THRB: variants seen among roughly 807,000 people sequenced by gnomAD.
The protein encoded by THRB is thyroid hormone receptor beta, also known as nuclear receptor subfamily 1 group A member 2.
Under a neutral mutation model 47.8 loss-of-function variants are expected in THRB, and 12 were observed. The observed-to-expected ratio is 0.25, with a 90% confidence interval of 0.16 to 0.41. The LOEUF is 0.41. Among genes scored for constraint, THRB ranks in the 10% least tolerant of loss-of-function variants. The pLI, the probability that THRB is intolerant of heterozygous loss-of-function variation, is 1.00. For synonymous variants in THRB, 218 were observed against 212.2 expected (o/e 1.03, Z -0.24); for missense variants, 348 against 589.2 (o/e 0.59, Z 4.24).
At chr3:24,226,906 G>C (rs1427455855) in intron 4 of THRB, among the ~76,000 whole-genome samples, 3 of 152,192 alleles carry the variant, frequency 2.0e-5, no homozygotes, top group African/African-American at 7.2e-5. Context: ...CACTGTATGG[G>C]CTGCAAAGCC....
chr3:24,151,222 T>C (rs749389108), intron 6 of THRB, among the ~76,000 whole-genome samples: 13 of 152,218 alleles, frequency 8.5e-5, no homozygotes, highest in Non-Finnish European at 1.8e-4. Flanking sequence ...AGCAGCCTTC[T>C]CCTAAATGTT....
At chr3:24,275,488 G>A (rs1489984294) in intron 3 of THRB, among the ~76,000 whole-genome samples, 1 of 152,126 alleles carries the variant, frequency 6.6e-6, no homozygotes, top group Non-Finnish European at 1.5e-5. Context: ...TGAAAACTTT[G>A]ACAGTTTTCT....
chr3:24,331,392 G>T (rs940064365), intron 2 of THRB, among the ~76,000 whole-genome samples: 1 of 152,110 alleles, frequency 6.6e-6, no homozygotes, highest in South Asian at 2.1e-4. Flanking sequence ...ACTTTCTCCA[G>T]CTTGGCTTCT....
intron 5 of THRB, among the ~76,000 whole-genome samples, chr3:24,186,944 C>CAAAAAAAAAAAAAAAAAAAACAAAA (rs2042660206): frequency 1.3e-5 from 1 of 77,534 alleles, no homozygotes; most frequent in African/African-American, 4.7e-5. Context: ...GACTCCATTT[C>CAAAAAAAAAAAAAAAAAAAACAAAA]AAAAAAAAAA....
chr3:24,323,755 T>C (rs1576838056), intron 2 of THRB, among the ~76,000 whole-genome samples: 2 of 152,342 alleles, frequency 1.3e-5, no homozygotes, highest in South Asian at 4.1e-4. Flanking sequence ...TTTATCTAAA[T>C]AGGAGGATTT....
chr3:24,476,766 T>A (rs1695510388), intron 1 of THRB, among the ~76,000 whole-genome samples: 1 of 152,190 alleles, frequency 6.6e-6, no homozygotes, highest in Non-Finnish European at 1.5e-5. Flanking sequence ...TGAGAAATTA[T>A]CTGATAGAGT....
intron 1 of THRB, among the ~76,000 whole-genome samples, chr3:24,468,414 A>T (rs1220159372): frequency 6.6e-6 from 1 of 152,184 alleles, no homozygotes; most frequent in East Asian, 1.9e-4. Flanking sequence ...CTAGCTTTTG[A>T]CCTATTTCAG....
intron 1 of THRB, among the ~76,000 whole-genome samples, chr3:24,366,989 T>A (rs1647284693): frequency 6.6e-6 from 1 of 152,146 alleles, no homozygotes; most frequent in Non-Finnish European, 1.5e-5. Flanking sequence ...TTTTTTTCTG[T>A]GACTGTACCA....
intron 4 of THRB, among the ~76,000 whole-genome samples, chr3:24,213,443 A>G (rs2046264162): frequency 6.6e-6 from 1 of 152,206 alleles, no homozygotes; most frequent in Non-Finnish European, 1.5e-5. Flanking sequence ...CTTATCATGG[A>G]TAGAACTGTC....
chr3:24,297,632 T>C (rs2056557446), intron 2 of THRB, among the ~76,000 whole-genome samples: 1 of 152,236 alleles, frequency 6.6e-6, no homozygotes, highest in African/African-American at 2.4e-5. Flanking sequence ...TTGAGGCAGT[T>C]AAATGATGTG....
chr3:24,147,836 CT>C (rs2149046770), intron 6 of THRB, among the ~76,000 whole-genome samples: 1 of 152,212 alleles, frequency 6.6e-6, no homozygotes, highest in South Asian at 2.1e-4. Context: ...AAAAGTAAAC[CT>C]CAGACAGGTT....
chr3:24,236,794 G>A (rs1559694491), intron 3 of THRB, among the ~76,000 whole-genome samples: 1 of 152,180 alleles, frequency 6.6e-6, no homozygotes, highest in African/African-American at 2.4e-5. Context: ...TTGTTCCCAA[G>A]TCTATAGCAT....
intron 1 of THRB, among the ~76,000 whole-genome samples, chr3:24,404,231 T>C (rs1220526668): frequency 1.3e-5 from 2 of 151,952 alleles, no homozygotes; most frequent in East Asian, 1.9e-4. Flanking sequence ...AAATCATGCA[T>C]GAGTAAAAGA....
intron 1 of THRB, among the ~76,000 whole-genome samples, chr3:24,365,636 C>A (rs1206242183): frequency 6.6e-6 from 1 of 152,188 alleles, no homozygotes; most frequent in Non-Finnish European, 1.5e-5. Flanking sequence ...TATGGATAAT[C>A]TTTATCAGCT....
chr3:24,278,279 A>C (rs553135594), intron 3 of THRB, among the ~76,000 whole-genome samples: 3 of 152,354 alleles, frequency 2.0e-5, no homozygotes, highest in South Asian at 4.1e-4. Context: ...GACTGGCAGA[A>C]GCAGGCATAA....
intron 3 of THRB, 39 bp from the exon 4 acceptor site, chr3:24,229,040 T>A: frequency 8.4e-7 from 1 of 1,190,780 alleles, no homozygotes; most frequent in Non-Finnish European, 1.3e-6. Flanking sequence ...CAGATTATAA[T>A]CTGCATTTTC....
chr3:24,310,334 G>A (rs2057668163), intron 2 of THRB, among the ~76,000 whole-genome samples: 1 of 152,154 alleles, frequency 6.6e-6, no homozygotes, highest in Admixed American at 6.6e-5. Context: ...GATGTACTTT[G>A]ATTTCATTTC....
chr3:24,353,651 C>T (rs2063495097), intron 1 of THRB, among the ~76,000 whole-genome samples: 1 of 152,040 alleles, frequency 6.6e-6, no homozygotes, highest in South Asian at 2.1e-4. Context: ...TCTGTTTTAT[C>T]ATTTATTTCT....
At chr3:24,337,745 G>A (rs2062356177) in intron 1 of THRB, among the ~76,000 whole-genome samples, 1 of 152,164 alleles carries the variant, frequency 6.6e-6, no homozygotes, top group South Asian at 2.1e-4. Context: ...GCGTTAAAGG[G>A]AATCCTGCTT....
Sources: gnomAD v4.1 joint callset for allele counts (sites outside exome capture counted in the v4.1 genomes callset) on GRCh38, gnomAD v4.1.1 for gene constraint, MANE v1.5 for transcripts, NCBI Gene and HGNC (gene_info 2026-07-23, HGNC 2026-07-21) for gene names.